OSMR: variants seen among roughly 807,000 people sequenced by gnomAD.
The protein encoded by OSMR is oncostatin M receptor.
A neutral mutation model predicts 99.9 loss-of-function variants in OSMR; 81 were observed. That is an observed-to-expected ratio of 0.81 (90% CI 0.68 to 0.97). The LOEUF (loss-of-function observed/expected upper bound fraction) is 0.97. Among genes scored for constraint, OSMR ranks in the 50% least tolerant of loss-of-function variants. The pLI, the probability that OSMR is intolerant of heterozygous loss-of-function variation, is 0.00. For synonymous variants in OSMR, 406 were observed against 410.4 expected (o/e 0.99, Z 0.13); for missense variants, 1,099 against 1,153.4 (o/e 0.95, Z 0.68).
At chr5:38,944,831 C>T (rs1747996883) in intron 2 of OSMR, 1 of 1,314,606 alleles carries the variant, frequency 7.6e-7, no homozygotes, top group Non-Finnish European at 1.1e-6. Flanking sequence ...CTTTAATTTA[C>T]AGTATTTACG....
intron 15 of OSMR, among the ~76,000 whole-genome samples, chr5:38,926,455 C>T (rs1746479340): frequency 6.6e-6 from 1 of 152,174 alleles, no homozygotes; most frequent in Non-Finnish European, 1.5e-5. Flanking sequence ...AGGAAATTTA[C>T]AATCATGGCA....
chr5:38,900,469 C>T (rs182546117), intron 7 of OSMR, among the ~76,000 whole-genome samples: 35 of 152,186 alleles, frequency 2.3e-4, no homozygotes, highest in African/African-American at 7.5e-4. Context: ...GTGGGACAAT[C>T]GATGGAGCCT....
At chr5:38,871,974 G>A (rs1742419644) in intron 2 of OSMR, among the ~76,000 whole-genome samples, 1 of 152,166 alleles carries the variant, frequency 6.6e-6, no homozygotes, top group South Asian at 2.1e-4. Context: ...GTCCTGGTCT[G>A]ATTCCCAAAC....
chr5:38,900,762 A>AT (rs34425555), intron 7 of OSMR, among the ~76,000 whole-genome samples: 1 of 151,886 alleles, frequency 6.6e-6, no homozygotes, highest in Admixed American at 6.6e-5. Context: ...TTGTAGAAGT[A>AT]TTTTTTTTGT....
intron 2 of OSMR, among the ~76,000 whole-genome samples, chr5:38,873,564 G>T (rs1246428923): frequency 6.6e-6 from 1 of 152,096 alleles, no homozygotes; most frequent in Non-Finnish European, 1.5e-5. Context: ...CTGTCAAAAC[G>T]TTTTCAACAA....
chr5:38,918,311 A>C (rs1424982588), intron 10 of OSMR, among the ~76,000 whole-genome samples: 1 of 152,140 alleles, frequency 6.6e-6, no homozygotes, highest in East Asian at 1.9e-4. Flanking sequence ...GGCCTGAGGA[A>C]CAGACCCCAG....
At chr5:38,928,089 A>C (rs1057353400) in intron 15 of OSMR, among the ~76,000 whole-genome samples, 18 of 152,054 alleles carry the variant, frequency 1.2e-4, no homozygotes, top group African/African-American at 4.3e-4. Context: ...TGTTCATATC[A>C]CTATCAGCAT....
At chr5:38,877,627 A>C (rs1453115238) in intron 3 of OSMR, among the ~76,000 whole-genome samples, 4 of 152,198 alleles carry the variant, frequency 2.6e-5, no homozygotes, top group Non-Finnish European at 1.5e-5. Context: ...AAAACATTGA[A>C]GCAAAGGTCA....
intron 17 of OSMR, 25 bp from the exon 18 acceptor site, chr5:38,932,847 T>G: frequency 4.3e-6 from 7 of 1,613,334 alleles, no homozygotes; most frequent in Non-Finnish European, 5.9e-6. Context: ...ATGTCTATAT[T>G]TACATATTTT....
At chr5:38,864,227 T>C (rs1199211095) in intron 1 of OSMR, among the ~76,000 whole-genome samples, 1 of 152,208 alleles carries the variant, frequency 6.6e-6, no homozygotes, top group African/African-American at 2.4e-5. Context: ...TTTGGTTGTT[T>C]TTTATATTCT....
intron 1 of OSMR, among the ~76,000 whole-genome samples, chr5:38,866,895 T>A (rs926211309): frequency 6.6e-6 from 1 of 152,136 alleles, no homozygotes; most frequent in African/African-American, 2.4e-5. Flanking sequence ...CACTTAACTT[T>A]TCCTGGCACT....
rs1746244694 is a variant in OSMR, at chr5:38,921,724, C to A, written c.1695C>A (p.Thr565=). ...ATGTTGTGGACTGGTGTGACCATAC[C>A]CAGGATGTGCTCGGTGATTTCCAGT... ...IGYVVDWCDH[T]QDVLGDFQWK... The change falls in exon 12 of 18, where the codon ACC becomes ACA. Residue 565 remains threonine (T), a synonymous_variant. Coordinates refer to ENST00000274276, the MANE Select transcript of OSMR (RefSeq NM_003999.3). 1 of 1,614,016 alleles carries A rather than the reference C, an allele frequency of 6.2e-7. No homozygotes were observed. Among genetic ancestry groups the A allele is most frequent in the South Asian group, 1.1e-5 (1 of 91,070 alleles).
chr5:38,863,586 A>G (rs1325740888), intron 1 of OSMR, among the ~76,000 whole-genome samples: 1 of 152,184 alleles, frequency 6.6e-6, no homozygotes, highest in African/African-American at 2.4e-5. Context: ...AATATGGTCT[A>G]TTTTGGAGAC....
chr5:38,904,392 A>T lies in OSMR; in HGVS notation c.1174A>T (p.Ser392Cys), dbSNP rs1225199102. 6.2e-7 allele frequency: 1 copy of T among 1,613,974 alleles called. No homozygotes were observed. Among genetic ancestry groups the T allele is most frequent in the Non-Finnish European group, 8.5e-7 (1 of 1,179,990 alleles). ...SIKVNGEYFL[S>C]ELEPATEYMA... The stretch of plus-strand genomic sequence containing the variant: ...CAAGGTGAACGGTGAGTACTTCTTA[A>T]GTGAACTGGAACCTGCCACAGAGTA... The change falls in exon 9 of 18, where the codon AGT becomes TGT. Residue 392 changes from serine to cysteine, a missense_variant. Coordinates refer to ENST00000274276, the MANE Select transcript of OSMR (RefSeq NM_003999.3).
intron 1 of OSMR, among the ~76,000 whole-genome samples, chr5:38,851,949 T>C (rs1235493553): frequency 6.6e-6 from 1 of 152,220 alleles, no homozygotes; most frequent in African/African-American, 2.4e-5. Flanking sequence ...GAAATGTGCC[T>C]TTCTCCTTCC....
intron 13 of OSMR, 44 bp downstream of exon 13, chr5:38,923,298 A>G (rs922465058): frequency 8.4e-7 from 1 of 1,193,894 alleles, no homozygotes. Context: ...AGACTTGTTC[A>G]GAACAATTCA....
In OSMR at chr5:38,933,504, C is replaced by T; in HGVS notation, c.*60C>T. The T allele has an allele frequency of 6.3e-7, 1 of 1,583,640 alleles. No individual in the cohort carries two copies. The highest frequency in any genetic ancestry group is 8.7e-7 in the Non-Finnish European group (1 of 1,155,036). ...ACATTAAGAAGAGCAGAGCTGGCAC[C>T]CTGTCATCACCAGTGGCCTTGGTCC... is the stretch of plus-strand genomic sequence containing the variant. On this transcript the variant is annotated 3_prime_UTR_variant, in exon 18 of 18. Transcript: ENST00000274276.
chr5:38,884,846 G>A (rs368765308), intron 5 of OSMR, among the ~76,000 whole-genome samples: 25 of 152,212 alleles, frequency 1.6e-4, no homozygotes, highest in African/African-American at 4.3e-4. Flanking sequence ...GCCAAAGTCA[G>A]TCTCCAGTCT....
At chr5:38,859,658 G>A (rs373036262) in intron 1 of OSMR, among the ~76,000 whole-genome samples, 1 of 152,082 alleles carries the variant, frequency 6.6e-6, no homozygotes, top group Non-Finnish European at 1.5e-5. Flanking sequence ...TTTTGATAGG[G>A]ATTGCATTGA....
Sources: allele counts gnomAD v4.1 joint callset (sites outside exome capture counted in the v4.1 genomes callset), GRCh38; gene constraint gnomAD v4.1.1; transcripts MANE v1.5; gene names NCBI Gene and HGNC (gene_info 2026-07-23, HGNC 2026-07-21).